The following CDH18 variants were observed in gnomAD, a reference collection of about 807,000 sequenced individuals.
CDH18 encodes cadherin-18.
In CDH18, 31 loss-of-function variants were observed where a neutral mutation model predicts 67.9. The ratio of observed to expected loss-of-function variants is 0.46; its 90% CI spans 0.34 to 0.62. CDH18 has a LOEUF of 0.62. Ranked by LOEUF, CDH18 falls within the 20% of genes least tolerant of loss-of-function variation. The probability of loss-of-function intolerance (pLI) is 0.01; values close to 1 mark genes in which losing one functional copy is unlikely to be tolerated. For missense variants in CDH18, 890 were observed against 975.5 expected (o/e 0.91, Z 1.17); for synonymous variants, 362 against 347.2 (o/e 1.04, Z -0.48).
intron 2 of CDH18, among the ~76,000 whole-genome samples, chr5:20,153,161 C>G (rs1476693586): frequency 6.6e-6 from 1 of 151,926 alleles, no homozygotes; most frequent in African/African-American, 2.4e-5. Context: ...CCAGGATTGT[C>G]TCGATCTCCT....
chr5:19,662,712 T>C (rs1757354406), intron 5 of CDH18, among the ~76,000 whole-genome samples: 1 of 152,034 alleles, frequency 6.6e-6, no homozygotes, highest in South Asian at 2.1e-4. Context: ...AATTATGAGC[T>C]TTTCTTTTAC....
chr5:20,323,173 AATC>A (rs1738199601), intron 1 of CDH18, among the ~76,000 whole-genome samples: 1 of 152,168 alleles, frequency 6.6e-6, no homozygotes. Flanking sequence ...GGCTAGCTGT[AATC>A]ATCACAATGA....
chr5:19,635,708 C>G (rs886701765), intron 5 of CDH18, among the ~76,000 whole-genome samples: 5 of 152,130 alleles, frequency 3.3e-5, no homozygotes, highest in Non-Finnish European at 7.4e-5. Context: ...TATCTACCTA[C>G]TCATCTGACT....
chr5:19,571,869 A>G (rs937851818), intron 7 of CDH18, 37 bp from the exon 8 acceptor site: 2 of 1,520,116 alleles, frequency 1.3e-6, no homozygotes, highest in African/African-American at 2.8e-5. Context: ...ACTTTTATAA[A>G]AAAAGTCATA....
At chr5:19,713,998 A>G (rs1765041332) in intron 5 of CDH18, among the ~76,000 whole-genome samples, 1 of 152,138 alleles carries the variant, frequency 6.6e-6, no homozygotes. Context: ...CATTTCACAA[A>G]GGTCCCAGGT....
rs147394210 is a variant in CDH18 at position 19,902,205 on chromosome 5, G to A, written c.-256-62963C>T. ...AGCATGGTAGTCTTAAAAATAGAAC[G>A]ACACATTTTTAACCTAGCCTCACTG... On this transcript the variant is annotated intron_variant, in intron 2 of 12. Coordinates refer to ENST00000382275, the MANE Select transcript of CDH18 (RefSeq NM_004934.5). 1.7e-4 allele frequency among the ~76,000 whole-genome samples: 26 copies of A among 152,172 alleles called. 1 individual carries two copies. The highest frequency in any genetic ancestry group is 6.0e-4 in the African/African-American group (25 of 41,530).
rs79503533 is a variant in CDH18, at chr5:19,787,753, A to C, written c.229-40517T>G. Among the ~76,000 whole-genome samples, 303 of 151,398 alleles carry C rather than the reference A, an allele frequency of 2.0e-3. 2 individuals carry two copies. The highest frequency in any genetic ancestry group is 3.0e-3 in the Non-Finnish European group (203 of 67,846). On this transcript the variant is annotated intron_variant, in intron 3 of 12. Transcript: ENST00000382275. The stretch of plus-strand genomic sequence containing the variant: ...GAAAATCCAAGATAGAATTTAAAAA[A>C]ATAATGGATGTAAGACGCCAGCACC...
chr5:19,993,130 G>T (rs1049848856), upstream of CDH18, among the ~76,000 whole-genome samples: 3 of 152,058 alleles, frequency 2.0e-5, no homozygotes, highest in East Asian at 5.8e-4. Flanking sequence ...TTTCATAAAG[G>T]ATCTTGAAAA....
At chr5:19,822,445 T>C (rs1779970707) in intron 3 of CDH18, among the ~76,000 whole-genome samples, 1 of 152,204 alleles carries the variant, frequency 6.6e-6, no homozygotes, top group Admixed American at 6.5e-5. Context: ...TCACCCCCGA[T>C]ATTTCACGTA....
intron 5 of CDH18, among the ~76,000 whole-genome samples, chr5:19,626,524 C>T (rs1392302333): frequency 6.6e-6 from 1 of 151,998 alleles, no homozygotes; most frequent in Non-Finnish European, 1.5e-5. Context: ...AGAGGTTAAG[C>T]AAGTGTGAGA....
At chr5:20,018,951 T>C (rs1286567359) in intron 2 of CDH18, among the ~76,000 whole-genome samples, 1 of 150,080 alleles carries the variant, frequency 6.7e-6, no homozygotes, top group Non-Finnish European at 1.5e-5. Context: ...CGCGCCACCA[T>C]GCCCGGCTAA....
At chr5:20,316,933 A>C (rs909238412) in intron 1 of CDH18, among the ~76,000 whole-genome samples, 4 of 152,014 alleles carry the variant, frequency 2.6e-5, no homozygotes, top group Admixed American at 1.3e-4. Flanking sequence ...CAAGATTTTG[A>C]TGACCCATTT....
At chr5:20,100,097 A>G (rs1746329743) in intron 2 of CDH18, among the ~76,000 whole-genome samples, 1 of 152,096 alleles carries the variant, frequency 6.6e-6, no homozygotes, top group Admixed American at 6.6e-5. Context: ...TAATTTTTGA[A>G]TATCAGTTTT....
At chr5:19,483,205 C>T (rs1381662382) in intron 12 of CDH18, 96 bp downstream of exon 12, 6 of 1,215,476 alleles carry the variant, frequency 4.9e-6, no homozygotes, top group Non-Finnish European at 6.9e-6. Flanking sequence ...TGTTTCCTTA[C>T]CCACATTATG....
intron 9 of CDH18, among the ~76,000 whole-genome samples, chr5:19,538,003 A>G (rs1013768718): frequency 5.9e-5 from 9 of 152,204 alleles, no homozygotes; most frequent in African/African-American, 2.2e-4. Context: ...CGGAAAGATA[A>G]AAGGTAAAAA....
intron 1 of CDH18, among the ~76,000 whole-genome samples, chr5:20,537,763 A>AG (rs1167385416): frequency 6.6e-5 from 10 of 151,496 alleles, no homozygotes; most frequent in Non-Finnish European, 1.0e-4. Context: ...CTAGAGGAAA[A>AG]AAGTTATAAA....
chr5:20,286,330 C>T (rs1746693364), intron 1 of CDH18, among the ~76,000 whole-genome samples: 1 of 151,540 alleles, frequency 6.6e-6, no homozygotes, highest in Admixed American at 6.6e-5. Context: ...ATAAGATATA[C>T]ATATGATTAG....
chr5:19,669,969 A>C (rs6894191), intron 5 of CDH18, among the ~76,000 whole-genome samples: 102,055 of 151,832 alleles, frequency 0.67, 34,471 homozygotes, highest in South Asian at 0.75. Context: ...AACAAGTTCC[A>C]AAGCGATGCT....
At chr5:20,344,488 A>G (rs749845086) in intron 1 of CDH18, among the ~76,000 whole-genome samples, 1 of 152,048 alleles carries the variant, frequency 6.6e-6, no homozygotes, top group Non-Finnish European at 1.5e-5. Flanking sequence ...AGTACTAATT[A>G]ATACGATAAT....
Sources: allele counts gnomAD v4.1 joint callset (sites outside exome capture counted in the v4.1 genomes callset), GRCh38; gene constraint gnomAD v4.1.1; transcripts MANE v1.5; gene names NCBI Gene and HGNC (gene_info 2026-07-23, HGNC 2026-07-21).